The following VPS13A variants were observed in gnomAD, a reference collection of about 807,000 sequenced individuals.
VPS13A encodes the protein intermembrane lipid transfer protein VPS13A.
VPS13A carries 264 observed loss-of-function variants against 390.9 expected under a neutral mutation model. The ratio of observed to expected loss-of-function variants is 0.68; its 90% CI spans 0.61 to 0.75. The LOEUF (loss-of-function observed/expected upper bound fraction) is 0.75, where lower values mean the gene tolerates loss of function less well. Ranked by LOEUF, VPS13A falls within the 30% of genes least tolerant of loss-of-function variation. VPS13A has a pLI of 0.00. For missense variants in VPS13A, 3,409 were observed against 3,733.9 expected (o/e 0.91, Z 2.27); for synonymous variants, 1,231 against 1,227.1 (o/e 1.00, Z -0.07).
chr9:77,297,320 G>A (rs1828068183), intron 33 of VPS13A, among the ~76,000 whole-genome samples: 1 of 151,446 alleles, frequency 6.6e-6, no homozygotes, highest in Non-Finnish European at 1.5e-5. Context: ...CTTCTCTCTG[G>A]TATTTTATCA....
At chr9:77,335,594 A>G (rs534190713) in intron 46 of VPS13A, among the ~76,000 whole-genome samples, 33 of 152,256 alleles carry the variant, frequency 2.2e-4, no homozygotes, top group Non-Finnish European at 4.6e-4. Flanking sequence ...CAACAAATGT[A>G]TGAAAAAAAG....
chr9:77,381,931 T>C, intron 67 of VPS13A, 45 bp from the exon 68 acceptor site: 1 of 1,308,416 alleles, frequency 7.6e-7, no homozygotes, highest in South Asian at 1.3e-5. Context: ...TATTTACAAG[T>C]TTTTGAATAA....
At chr9:77,308,127 G>A in intron 35 of VPS13A, 29 bp downstream of exon 35, 1 of 1,611,540 alleles carries the variant, frequency 6.2e-7, no homozygotes, top group African/African-American at 1.3e-5. Context: ...ATTTCTTTCT[G>A]CTTTCCTCTT....
chr9:77,371,255 G>T, intron 67 of VPS13A, 106 bp downstream of exon 67: 1 of 1,503,464 alleles, frequency 6.7e-7, no homozygotes, highest in Non-Finnish European at 9.1e-7. Context: ...TTTGTTTTGT[G>T]CTGCTATAAC....
chr9:77,296,748 T>G (rs2131378443), intron 33 of VPS13A, among the ~76,000 whole-genome samples: 1 of 152,334 alleles, frequency 6.6e-6, no homozygotes, highest in East Asian at 1.9e-4. Flanking sequence ...TACTTCTTCC[T>G]TAAGTATTAG....
intron 46 of VPS13A, 38 bp downstream of exon 46, chr9:77,332,151 CT>C: frequency 3.3e-6 from 5 of 1,510,546 alleles, no homozygotes; most frequent in Non-Finnish European, 4.6e-6. Context: ...TCTAAAATCT[CT>C]TGTAGAATTT....
intron 46 of VPS13A, among the ~76,000 whole-genome samples, chr9:77,336,858 G>A (rs574231545): frequency 7.7e-5 from 11 of 141,958 alleles, no homozygotes; most frequent in Non-Finnish European, 1.5e-4. Flanking sequence ...GTGCAGTGGC[G>A]CAATCTCGGC....
intron 67 of VPS13A, among the ~76,000 whole-genome samples, chr9:77,378,724 C>T (rs892878450): frequency 5.3e-5 from 8 of 151,138 alleles, no homozygotes; most frequent in Non-Finnish European, 1.2e-4. Flanking sequence ...TTATTTTCTT[C>T]CTTCTGCTAG....
chr9:77,235,217 C>T (rs1824076328), intron 17 of VPS13A, among the ~76,000 whole-genome samples: 1 of 152,148 alleles, frequency 6.6e-6, no homozygotes, highest in Non-Finnish European at 1.5e-5. Context: ...TTTAACCTTT[C>T]TTGTAGGGCA....
chr9:77,322,539 CT>C (rs150115386), intron 44 of VPS13A, among the ~76,000 whole-genome samples: 131 of 150,572 alleles, frequency 8.7e-4, no homozygotes, highest in Non-Finnish European at 1.3e-3. Context: ...AATTTTACGT[CT>C]TTTTTTTTAA....
chr9:77,382,104 C>G lies in VPS13A; in HGVS notation c.9189+17C>G. ...ATGTTACAGGTAAATTAAGAGCTATCTTATAAATTAAGATTAATTTAGTCA... is the reference window on the plus strand; with the variant it reads ...ATGTTACAGGTAAATTAAGAGCTATGTTATAAATTAAGATTAATTTAGTCA... On this transcript the variant is annotated intron_variant, in intron 68 of 71. Coordinates refer to ENST00000360280, the MANE Select transcript of VPS13A (RefSeq NM_033305.3). 1.3e-6 allele frequency: 2 copies of G among 1,580,556 alleles called. No homozygotes were observed. The highest frequency in any genetic ancestry group is 2.3e-5 in the East Asian group (1 of 44,184).
chr9:77,204,984 A>G (rs1825553461), intron 3 of VPS13A, among the ~76,000 whole-genome samples: 1 of 152,188 alleles, frequency 6.6e-6, no homozygotes, highest in African/African-American at 2.4e-5. Context: ...AACTGGGGAA[A>G]TTCAAAGTTA....
In VPS13A at chr9:77,295,812, A is replaced by G. The variant is rs1827959285; in HGVS notation, c.3778A>G (p.Ile1260Val). The G allele has an allele frequency of 1.1e-5, 17 of 1,614,010 alleles. No homozygotes were observed. Among genetic ancestry groups the G allele is most frequent in the Non-Finnish European group, 1.4e-5 (16 of 1,179,954 alleles). Residue 1260 changes from isoleucine (I) to valine (V), a missense_variant, in exon 33 of 72, where the codon ATA becomes GTA. Coordinates refer to ENST00000360280, the MANE Select transcript of VPS13A (RefSeq NM_033305.3). ...QSSPPPVIDL[I>V]TIKLSEMRLY... is the part of the protein sequence containing the mutation. ...CTCTCCCCCACCTGTTATTGATTTG[A>G]TAACAATAAAGCTGAGTGAAATGCG... is the stretch of plus-strand genomic sequence containing the variant.
chr9:77,223,112 C>G lies in VPS13A; in HGVS notation c.1161+1756C>G, dbSNP rs139060737. On this transcript the variant is annotated intron_variant, in intron 13 of 71. Transcript: ENST00000360280. ...CTGGCTCTGGAGGCTGCCCAATTTG[C>G]AAATTGTTCATTGCTTAATTAAATC... 3.9e-4 allele frequency among the ~76,000 whole-genome samples: 59 copies of G among 152,260 alleles called. No individual in the cohort carries two copies. The East Asian group carries it at 8.9e-3, about 23-fold the overall frequency.
chr9:77,306,637 T>C (rs1828769725), intron 34 of VPS13A, among the ~76,000 whole-genome samples: 1 of 152,098 alleles, frequency 6.6e-6, no homozygotes, highest in Non-Finnish European at 1.5e-5. Context: ...CAGTCTTTTT[T>C]TATTGAAGGC....
intron 23 of VPS13A, among the ~76,000 whole-genome samples, chr9:77,263,251 T>G (rs1464782483): frequency 9.9e-5 from 15 of 151,840 alleles, no homozygotes; most frequent in South Asian, 2.1e-4. Flanking sequence ...GGACTACAGG[T>G]GCTCACCACC....
intron 10 of VPS13A, among the ~76,000 whole-genome samples, chr9:77,215,380 T>C (rs1336777841): frequency 6.6e-6 from 1 of 152,208 alleles, no homozygotes; most frequent in Non-Finnish European, 1.5e-5. Context: ...TTTTTATTGG[T>C]TTGAATTTAG....
intron 1 of VPS13A, among the ~76,000 whole-genome samples, chr9:77,184,433 A>C (rs1001030874): frequency 6.6e-6 from 1 of 152,136 alleles, no homozygotes; most frequent in African/African-American, 2.4e-5. Flanking sequence ...AGCCTGGCCA[A>C]CATGGTGAGA....
rs1831074456 is a variant in VPS13A at position 77,345,073 on chromosome 9, A to C, written c.7220A>C (p.Tyr2407Ser). 1 of 1,613,138 alleles carries C rather than the reference A, an allele frequency of 6.2e-7. No individual in the cohort carries two copies. The highest frequency in any genetic ancestry group is 1.3e-5 in the African/African-American group (1 of 74,926). Residue 2407 changes from tyrosine to serine, a missense_variant, in exon 52 of 72, where the codon TAT becomes TCT. By Grantham distance (144) the Tyr-to-Ser change is moderately radical (BLOSUM62 -2). This residue lies in a region of VPS13A where 2,717 missense variants were observed against 2,917.4 expected (regional missense o/e 0.93). Coordinates refer to ENST00000360280, the MANE Select transcript of VPS13A (RefSeq NM_033305.3). ...EHSTVITFLD[Y>S]HDGAATFLLI... Reference sequence around the variant, plus strand: ...TCTACAGTTATTACATTTTTAGATTATCATGATGGAGCAGCTACATTCCTC... The same window carrying C: ...TCTACAGTTATTACATTTTTAGATTCTCATGATGGAGCAGCTACATTCCTC...
Sources: gnomAD v4.1 joint callset for allele counts (sites outside exome capture counted in the v4.1 genomes callset) on GRCh38, gnomAD v4.1.1 for gene constraint, gnomAD v4.1.1 regional missense constraint, MANE v1.5 for transcripts, NCBI Gene and HGNC (gene_info 2026-07-23, HGNC 2026-07-21) for gene names.